Variants in NEGR1 observed in about 807,000 individuals in gnomAD.
NEGR1 encodes the protein neuronal growth regulator 1.
NEGR1 carries 10 observed loss-of-function variants against 40.9 expected under a neutral mutation model. That is an observed-to-expected ratio of 0.24 (90% CI 0.15 to 0.42). The LOEUF (loss-of-function observed/expected upper bound fraction) is 0.42, where lower values mean the gene tolerates loss of function less well. Among genes scored for constraint, NEGR1 ranks in the 10% least tolerant of loss-of-function variants. The pLI is 1.00. For missense variants in NEGR1, 352 were observed against 438.9 expected, an observed-to-expected ratio of 0.80 and a Z score of 1.77; for synonymous variants, 185 against 166.8, an observed-to-expected ratio of 1.11 and a Z score of -0.84.
chr1:71,744,784 A>G (rs889037530), intron 3 of NEGR1, among the ~76,000 whole-genome samples: 1 of 152,210 alleles, frequency 6.6e-6, no homozygotes, highest in African/African-American at 2.4e-5. Context: ...AAAATAACCT[A>G]TATTAAAAAT....
At chr1:71,536,187 A>C (rs1647508089) in intron 6 of NEGR1, among the ~76,000 whole-genome samples, 1 of 151,724 alleles carries the variant, frequency 6.6e-6, no homozygotes, top group Non-Finnish European at 1.5e-5. Flanking sequence ...ATTTTTTCCA[A>C]TTATAACATG....
intron 1 of NEGR1, among the ~76,000 whole-genome samples, chr1:72,222,390 T>C (rs1222987354): frequency 6.6e-6 from 1 of 152,166 alleles, no homozygotes; most frequent in Non-Finnish European, 1.5e-5. Context: ...CAAGCCAGTC[T>C]GCAAAGACTA....
chr1:71,896,168 G>C (rs1468068300), intron 2 of NEGR1, among the ~76,000 whole-genome samples: 1 of 151,326 alleles, frequency 6.6e-6, no homozygotes. Context: ...CTCTGGAATA[G>C]CTGGGATTAC....
intron 6 of NEGR1, chr1:71,486,282 TA>T (rs1646887209): frequency 1.3e-5 from 2 of 151,674 alleles, no homozygotes; most frequent in Admixed American, 1.3e-4. Context: ...TAGGCCCATT[TA>T]AAAAAATCAG....
At chr1:71,507,271 C>T (rs150618825) in intron 6 of NEGR1, among the ~76,000 whole-genome samples, 440 of 152,270 alleles carry the variant, frequency 2.9e-3, no homozygotes, top group Middle Eastern at 0.014. Flanking sequence ...TATTAAGGTG[C>T]AGTTTACCAG....
At chr1:71,878,805 C>T (rs186362202) in intron 2 of NEGR1, among the ~76,000 whole-genome samples, 1 of 152,218 alleles carries the variant, frequency 6.6e-6, no homozygotes, top group Admixed American at 6.5e-5. Flanking sequence ...AAACATAGAG[C>T]TATATAATAT....
intron 1 of NEGR1, among the ~76,000 whole-genome samples, chr1:72,273,336 G>T (rs1266632117): frequency 6.6e-6 from 1 of 151,952 alleles, no homozygotes; most frequent in Non-Finnish European, 1.5e-5. Context: ...AGGAAGAGAA[G>T]GCTCCATAAG....
intron 1 of NEGR1, among the ~76,000 whole-genome samples, chr1:72,136,647 A>C (rs1650475773): frequency 2.9e-3 from 1 of 342 alleles, no homozygotes; most frequent in African/African-American, 9.3e-3. Flanking sequence ...AATTTGTCCA[A>C]AAAAAAAGGC....
chr1:72,108,934 C>A (rs56062633), intron 1 of NEGR1, among the ~76,000 whole-genome samples: 2 of 151,272 alleles, frequency 1.3e-5, no homozygotes, highest in Non-Finnish European at 3.0e-5. Flanking sequence ...TAAAACACAA[C>A]GCTACTTAAT....
chr1:71,512,943 G>A (rs1343691877), intron 6 of NEGR1, among the ~76,000 whole-genome samples: 1 of 152,114 alleles, frequency 6.6e-6, no homozygotes, highest in African/African-American at 2.4e-5. Context: ...ACAGTGGAAA[G>A]TAATATATTT....
chr1:72,086,610 G>T (rs1648230701), intron 1 of NEGR1, among the ~76,000 whole-genome samples: 1 of 152,082 alleles, frequency 6.6e-6, no homozygotes, highest in South Asian at 2.1e-4. Flanking sequence ...TGCAATTTTT[G>T]TTTTGCTGAG....
intron 4 of NEGR1, among the ~76,000 whole-genome samples, chr1:71,646,958 A>G (rs1467472897): frequency 6.6e-6 from 1 of 151,950 alleles, no homozygotes; most frequent in Non-Finnish European, 1.5e-5. Flanking sequence ...CACTAAGACA[A>G]TAGTGAACTA....
At chr1:71,787,268 T>C (rs1161085581) in intron 2 of NEGR1, among the ~76,000 whole-genome samples, 1 of 152,200 alleles carries the variant, frequency 6.6e-6, no homozygotes, top group Non-Finnish European at 1.5e-5. Flanking sequence ...ACAAAGCCAG[T>C]GTGGTGTTGG....
chr1:71,632,037 A>G (rs541362184), intron 4 of NEGR1, among the ~76,000 whole-genome samples: 2 of 151,794 alleles, frequency 1.3e-5, no homozygotes, highest in East Asian at 3.9e-4. Flanking sequence ...TGGCAAGTAA[A>G]TGAGGTAATT....
At chr1:71,703,990 A>G (rs1017280088) in intron 3 of NEGR1, among the ~76,000 whole-genome samples, 1 of 152,024 alleles carries the variant, frequency 6.6e-6, no homozygotes, top group Non-Finnish European at 1.5e-5. Context: ...AAATCATACA[A>G]AAGAATATCA....
At chr1:72,092,190 G>T (rs1168551123) in intron 1 of NEGR1, among the ~76,000 whole-genome samples, 3 of 152,132 alleles carry the variant, frequency 2.0e-5, no homozygotes, top group African/African-American at 7.2e-5. Context: ...TGGTATGTCT[G>T]GAAGTGTCAG....
intron 6 of NEGR1, among the ~76,000 whole-genome samples, chr1:71,573,036 G>T (rs2101495085): frequency 6.6e-6 from 1 of 152,330 alleles, no homozygotes; most frequent in African/African-American, 2.4e-5. Flanking sequence ...ATTCCCTTGT[G>T]CTGGGGAGCT....
At chr1:71,846,192 TG>T (rs893896323) in intron 2 of NEGR1, among the ~76,000 whole-genome samples, 70 of 152,084 alleles carry the variant, frequency 4.6e-4, no homozygotes, top group Admixed American at 4.6e-3. Context: ...TTGAGCTGAA[TG>T]GAAAGCAAGT....
chr1:72,136,044 C>T (rs1650451238), intron 1 of NEGR1, among the ~76,000 whole-genome samples: 1 of 151,736 alleles, frequency 6.6e-6, no homozygotes, highest in Non-Finnish European at 1.5e-5. Flanking sequence ...TAAGAAAGCA[C>T]AAAAATGTTA....
Sources: gnomAD v4.1 joint callset for allele counts (sites outside exome capture counted in the v4.1 genomes callset) on GRCh38, gnomAD v4.1.1 for gene constraint, MANE v1.5 for transcripts, NCBI Gene and HGNC (gene_info 2026-07-23, HGNC 2026-07-21) for gene names.